PHKG1: variants seen among roughly 807,000 people sequenced by gnomAD.
PHKG1 encodes the protein phosphorylase b kinase gamma catalytic chain, skeletal muscle/heart isoform.
PHKG1 carries 48 observed loss-of-function variants against 50.5 expected under a neutral mutation model. The ratio of observed to expected loss-of-function variants is 0.95; its 90% CI spans 0.75 to 1.21. The LOEUF (loss-of-function observed/expected upper bound fraction) is 1.21. Ranked by LOEUF, PHKG1 falls within the 50% of genes most tolerant of loss-of-function variation. The pLI is 0.00. For missense variants in PHKG1, 487 were observed against 519.5 expected (o/e 0.94, Z 0.61); for synonymous variants, 204 against 212.8 (o/e 0.96, Z 0.36).
At chr7:56,092,216 C>T (rs879597753) in intron 1 of PHKG1, among the ~76,000 whole-genome samples, 27 of 152,148 alleles carry the variant, frequency 1.8e-4, no homozygotes, top group Admixed American at 1.7e-3. Context: ...TACTGCCCCA[C>T]CCACCCCTCA....
rs1247222774 is a variant in PHKG1, at chr7:56,080,379, T to G, written c.*675A>C. The G allele has an allele frequency of 2.0e-5, 3 of 148,974 alleles. No individual in the cohort carries two copies. The highest frequency in any genetic ancestry group is 7.7e-5 in the African/African-American group (3 of 38,884). The allele number at this position is 148,974 out of a possible 1,614,324, so 9.2% of individuals were successfully genotyped here. On this transcript the variant is annotated 3_prime_UTR_variant, in exon 10 of 10. Coordinates refer to ENST00000297373, the MANE Select transcript of PHKG1 (RefSeq NM_006213.5). ...CCTGGGCCCAAGCAATTCTCCCACC[T>G]CAGCCTCCTGAGTAGCTGGGACTAC...
rs140155924 is a variant in PHKG1 at position 56,081,753 on chromosome 7, G to A, written c.795C>T (p.Val265=). Residue 265 remains valine (V), a splice_region_variant and synonymous_variant, in exon 9 of 10, where the codon GTC becomes GTT. Transcript: ENST00000297373. The surrounding 1 kb of genome is among the most constrained non-coding windows in gnomAD (Gnocchi z 4.6). The part of the protein sequence containing the change: ...DDYSDTVKDL[V]SRFLVVQPQN... ...GGGGTTGCACCACCAGGAATCGGGA[G>A]ACCTGTGAGAGGAGGAGAGGGGAAC... 5.0e-6 allele frequency: 8 copies of A among 1,613,082 alleles called. No homozygotes were observed. Among genetic ancestry groups the A allele is most frequent in the Non-Finnish European group, 6.8e-6 (8 of 1,179,436 alleles).
intron 3 of PHKG1, among the ~76,000 whole-genome samples, chr7:56,087,382 T>G (rs934844147): frequency 6.6e-6 from 1 of 151,992 alleles, no homozygotes; most frequent in Admixed American, 6.6e-5. Flanking sequence ...CCAGCATGCC[T>G]GGCTAATTCA....
In PHKG1 at chr7:56,081,311, G is replaced by C. The variant is rs775994974; in HGVS notation, c.919-12C>G. The C allele has an allele frequency of 1.3e-5, 20 of 1,599,770 alleles. No individual in the cohort carries two copies. Among genetic ancestry groups the C allele is most frequent in the South Asian group, 4.4e-5 (4 of 90,616 alleles). ...GTCAGAGCGATCACCTGCAGGGCCA[G>C]GCGGAGAAGCTGGGCTGCAGCCCCC... On this transcript the variant is annotated splice_polypyrimidine_tract_variant and intron_variant, in intron 9 of 9. Coordinates refer to ENST00000297373, the MANE Select transcript of PHKG1 (RefSeq NM_006213.5). The surrounding 1 kb of genome is among the most constrained non-coding windows in gnomAD (Gnocchi z 4.6).
In PHKG1 at chr7:56,081,099, G is replaced by A. The variant is rs55793118; in HGVS notation, c.1119C>T (p.Asn373=). The A allele has an allele frequency of 9.9e-6, 16 of 1,613,352 alleles. No individual in the cohort carries two copies. The highest frequency in any genetic ancestry group is 1.4e-5 in the Non-Finnish European group (16 of 1,179,884). ...QQQNRAALFE[N]TPKAVLLSLA... is the part of the protein sequence containing the mutation. Reference sequence around the variant, plus strand: ...GGGAGAGGAGCACGGCCTTGGGTGTGTTCTCGAAAAGGGCTGCCCGGTTCT... The same window carrying A: ...GGGAGAGGAGCACGGCCTTGGGTGTATTCTCGAAAAGGGCTGCCCGGTTCT... The change falls in exon 10 of 10, where the codon AAC becomes AAT. Residue 373 remains asparagine (N), a synonymous_variant. Coordinates refer to ENST00000297373, the MANE Select transcript of PHKG1 (RefSeq NM_006213.5). The surrounding 1 kb of genome is among the most constrained non-coding windows in gnomAD (Gnocchi z 4.6).
At chr7:56,087,194 TTTATTA>T (rs56665611) in intron 3 of PHKG1, among the ~76,000 whole-genome samples, 170 bp from the exon 4 acceptor site, 7,528 of 136,004 alleles carry the variant, frequency 0.055, 352 homozygotes, top group African/African-American at 0.12. Flanking sequence ...GCCCAGGGAC[TTTATTA>T]TTATTATTAT....
At position 56,081,534 on chromosome 7, in the gene PHKG1, C is replaced by T; in HGVS notation, c.918+96G>A. On this transcript the variant is annotated intron_variant, in intron 9 of 9. Coordinates refer to ENST00000297373, the MANE Select transcript of PHKG1 (RefSeq NM_006213.5). The surrounding 1 kb of genome is among the most constrained non-coding windows in gnomAD (Gnocchi z 4.6). ...AGCTGGGAGGGGAGGGATGGGTACT[C>T]TGGAAATTCACGGGGTGTAAGGACT... The T allele has an allele frequency of 1.4e-6, 2 of 1,447,352 alleles. No homozygotes were observed. Among genetic ancestry groups the T allele is most frequent in the East Asian group, 4.6e-5 (2 of 43,780 alleles). 89.7% of individuals were successfully genotyped at this position (1,447,352 alleles called of 1,614,324 possible).
Position 56,081,045 on chromosome 7 carries a change from G to A in PHKG1, c.*9C>T. The A allele has an allele frequency of 1.2e-6, 2 of 1,611,600 alleles. No homozygotes were observed. Among genetic ancestry groups the A allele is most frequent in the Non-Finnish European group, 1.7e-6 (2 of 1,179,748 alleles). On this transcript the variant is annotated 3_prime_UTR_variant, in exon 10 of 10. Transcript: ENST00000297373. The surrounding 1 kb of genome is among the most constrained non-coding windows in gnomAD (Gnocchi z 4.6). ...CCTGCCCCCTAGCCCTCCCTGACTG[G>A]CCAGCCCCTCAGTAGTCCTCCTCGG... is the stretch of plus-strand genomic sequence containing the variant.
chr7:56,088,012 T>C, intron 2 of PHKG1, among the ~76,000 whole-genome samples: 1 of 149,194 alleles, frequency 6.7e-6, no homozygotes, highest in African/African-American at 2.5e-5. Flanking sequence ...TTTTTTTTTT[T>C]TCCTTTTTGA....
At chr7:56,088,099 A>G (rs918959855) in intron 2 of PHKG1, among the ~76,000 whole-genome samples, 4 of 140,538 alleles carry the variant, frequency 2.8e-5, no homozygotes, top group Admixed American at 1.5e-4. Flanking sequence ...CAGTGGCACA[A>G]TCTTAGCTCA....
At chr7:56,086,426 A>G (rs577315209) in intron 4 of PHKG1, among the ~76,000 whole-genome samples, 1 of 152,206 alleles carries the variant, frequency 6.6e-6, no homozygotes, top group East Asian at 1.9e-4. Context: ...TAATCCCAGC[A>G]CTTTGGGAGG....
Position 56,088,919 on chromosome 7 carries a change from G to A in PHKG1, c.23C>T (p.Pro8Leu), listed in dbSNP as rs776330890. The A allele has an allele frequency of 1.9e-5, 31 of 1,613,310 alleles. No homozygotes were observed. Among genetic ancestry groups the A allele is most frequent in the Admixed American group, 1.3e-4 (8 of 59,952 alleles). Residue 8 changes from proline (P) to leucine (L), a missense_variant, in exon 2 of 10, where the codon CCG becomes CTG. Physicochemically the swap from Pro to Leu is moderately conservative, Grantham distance 98 (BLOSUM62 -3). Transcript: ENST00000297373. The stretch of plus-strand genomic sequence containing the variant: ...GAAGTCCTGTGCAGAATGAGAGTCC[G>A]GCAGTGCCTCGTCCCGGGTCATGCT... MTRDEAL[P>L]DSHSAQDFYE...
At chr7:56,089,009 C>T (rs1796387387) in intron 1 of PHKG1, 34 bp from the exon 2 acceptor site, 2 of 1,073,490 alleles carry the variant, frequency 1.9e-6, no homozygotes, top group African/African-American at 3.1e-5. Context: ...TGTCAGCCTT[C>T]CTGACCCAGG....
chr7:56,089,259 A>T (rs12537943), intron 1 of PHKG1, among the ~76,000 whole-genome samples: 4 of 151,606 alleles, frequency 2.6e-5, no homozygotes, highest in Non-Finnish European at 4.4e-5. Flanking sequence ...AATTAGCCGG[A>T]TGTGGTGGCA....
rs1795988839 is a variant in PHKG1, at chr7:56,081,495, AG to A, written c.918+134del. The A allele has an allele frequency of 7.9e-7, 1 of 1,262,414 alleles. No individual in the cohort carries two copies. The highest frequency in any genetic ancestry group is 1.5e-5 in the African/African-American group (1 of 67,824). The allele number at this position is 1,262,414 out of a possible 1,614,324, so 78.2% of individuals were successfully genotyped here. A position where few individuals can be genotyped will look rare whatever the true frequency, so the allele number is the denominator to read the frequency against. Reference sequence around the variant, plus strand: ...GTGGGCTGACACCTGCCGTCTTTGAAGCCATCACAGGGCAGCTGGGAGGGGA... The same window carrying A: ...GTGGGCTGACACCTGCCGTCTTTGAACCATCACAGGGCAGCTGGGAGGGGA... On this transcript the variant is annotated intron_variant, in intron 9 of 9. Transcript: ENST00000297373. This position sits in a 1 kb window ranked among gnomAD's most constrained non-coding sequence, Gnocchi z 4.6.
In PHKG1 at chr7:56,081,988, G is replaced by T. The variant is rs1315681709; in HGVS notation, c.697C>A (p.Arg233=). The change falls in exon 8 of 10, where the codon CGG becomes AGG. Residue 233 remains arginine, a synonymous_variant. Coordinates refer to ENST00000297373, the MANE Select transcript of PHKG1 (RefSeq NM_006213.5). The surrounding 1 kb of genome is among the most constrained non-coding windows in gnomAD (Gnocchi z 4.6). ...LLAGSPPFWH[R]KQMLMLRMIM... ...ATCCTCAGCATCAGCATCTGCTTCC[G>T]GTGCCAGAAGGGCGGGGAGCCGGCC... The T allele has an allele frequency of 6.2e-7, 1 of 1,613,796 alleles. No individual in the cohort carries two copies. The highest frequency in any genetic ancestry group is 1.7e-5 in the Admixed American group (1 of 59,994).
At position 56,083,725 on chromosome 7, in the gene PHKG1, CAG is replaced by C. The variant is rs757644709; in HGVS notation, c.318-12_318-11del. ...CTCCCCTCTCTTCATCCTGTGGAAA[CAG>C]AGGGTTGATAGCTGGATCGGTCCCA... On this transcript the variant is annotated splice_polypyrimidine_tract_variant and intron_variant, in intron 4 of 9. Coordinates refer to ENST00000297373, the MANE Select transcript of PHKG1 (RefSeq NM_006213.5). The C allele has an allele frequency of 3.8e-6, 6 of 1,564,432 alleles. No individual in the cohort carries two copies. The highest frequency in any genetic ancestry group is 1.2e-5 in the South Asian group (1 of 86,020).
intron 4 of PHKG1, 129 bp downstream of exon 4, chr7:56,086,841 A>T (rs778058795): frequency 8.9e-6 from 7 of 784,116 alleles, no homozygotes; most frequent in Non-Finnish European, 1.6e-5. Flanking sequence ...ATCTGTCTAA[A>T]CACCGTGATT....
In PHKG1 at chr7:56,080,881, A is replaced by G. The variant is rs1309903374; in HGVS notation, c.*173T>C. On this transcript the variant is annotated 3_prime_UTR_variant, in exon 10 of 10. Transcript: ENST00000297373. ...GTATTGCTGTGTGGTGGGAACACCC[A>G]CTTCCCTTGTGCACAGCCTTTGAGA... 10 of 744,260 alleles carry G rather than the reference A, an allele frequency of 1.3e-5. No individual in the cohort carries two copies. The highest frequency in any genetic ancestry group is 2.1e-5 in the Non-Finnish European group (10 of 467,452). 46.1% of individuals were successfully genotyped at this position (744,260 alleles called of 1,614,324 possible).
Sources: allele counts gnomAD v4.1 joint callset (sites outside exome capture counted in the v4.1 genomes callset), GRCh38; gene constraint gnomAD v4.1.1; non-coding constraint Gnocchi (gnomAD v3.1); transcripts MANE v1.5; gene names NCBI Gene and HGNC (gene_info 2026-07-23, HGNC 2026-07-21).